Variants in CACNA1H observed in about 807,000 individuals in gnomAD.
CACNA1H encodes the protein calcium voltage-gated channel subunit alpha1 H.
A neutral mutation model predicts 192.5 loss-of-function variants in CACNA1H; 149 were observed. The observed-to-expected ratio is 0.77, with a 90% CI of 0.68 to 0.89. CACNA1H has a LOEUF of 0.89. CACNA1H is among the 40% of genes least tolerant of loss of function. CACNA1H has a pLI of 0.00. For synonymous variants in CACNA1H, 2,202 were observed against 1,475.2 expected, an observed-to-expected ratio of 1.49 and a Z score of -11.29; for missense variants, 4,257 against 3,423.5, an observed-to-expected ratio of 1.24 and a Z score of -6.08.
chr16:1,216,093 C>T (rs1004382680), intron 30 of CACNA1H, among the ~76,000 whole-genome samples: 10 of 152,180 alleles, frequency 6.6e-5, no homozygotes, highest in Admixed American at 5.9e-4. Flanking sequence ...ACCTATCCAA[C>T]CCCCGTGTGT....
rs765707245 is a variant in CACNA1H at position 1,180,388 on chromosome 16, C to T, written c.300-14584C>T. Among the ~76,000 whole-genome samples the T allele has an allele frequency of 6.6e-6, 1 of 152,180 alleles. No homozygotes were observed. The highest frequency in any genetic ancestry group is 1.5e-5 in the Non-Finnish European group (1 of 68,018). On this transcript the variant is annotated intron_variant, in intron 2 of 34. Transcript: ENST00000348261. This position sits in a 1 kb window ranked among gnomAD's most constrained non-coding sequence, Gnocchi z 4.4. Reference sequence around the variant, plus strand: ...CAGGGCAGGCTGGGTGAGGAGGGGGCACCCCAGGTGTCTGAACCCCAGGTC... The same window carrying T: ...CAGGGCAGGCTGGGTGAGGAGGGGGTACCCCAGGTGTCTGAACCCCAGGTC...
chr16:1,209,234 G>A lies in CACNA1H; in HGVS notation c.3566G>A (p.Arg1189His), dbSNP rs1233148543. 23 of 1,545,418 alleles carry A rather than the reference G, an allele frequency of 1.5e-5. No homozygotes were observed. Among genetic ancestry groups the A allele is most frequent in the African/African-American group, 4.1e-5 (3 of 72,564 alleles). Reference protein sequence around the residue: ...AEDGRAAPGPRATPLRRAESL... With the variant: ...AEDGRAAPGPHATPLRRAESL... The stretch of plus-strand genomic sequence containing the variant: ...GACGGCAGGGCCGCGCCCGGGCCCC[G>A]TGCCACCCCACTGCGGCGGGCCGAG... Residue 1189 changes from arginine to histidine, a missense_variant, in exon 17 of 35, where the codon CGT (arginine) becomes CAT (histidine). Physicochemically the swap from Arg to His is conservative, Grantham distance 29. Transcript: ENST00000348261.
intron 16 of CACNA1H, among the ~76,000 whole-genome samples, chr16:1,208,685 G>T (rs1447681949): frequency 6.6e-6 from 1 of 152,160 alleles, no homozygotes; most frequent in Non-Finnish European, 1.5e-5. Context: ...TGAGCCAGAC[G>T]CCCTAGCAGG....
chr16:1,212,597 C>G lies in CACNA1H; in HGVS notation c.4777+69C>G. ...CGCTGCTCGGGGAAGGGCGGGCATC[C>G]CAGGCCTGCTGGGGTCCTCCGCAGG... On this transcript the variant is annotated intron_variant, in intron 26 of 34. Transcript: ENST00000348261. 3 of 1,559,518 alleles carry G rather than the reference C, an allele frequency of 1.9e-6. No individual in the cohort carries two copies. The South Asian group carries it at 3.5e-5, about 18-fold the overall frequency.
At chr16:1,164,856 G>A (rs946165068) in intron 2 of CACNA1H, among the ~76,000 whole-genome samples, 2 of 152,222 alleles carry the variant, frequency 1.3e-5, no homozygotes, top group Admixed American at 6.5e-5. Context: ...TGGAGGAGGT[G>A]TGGGTGAGCC....
chr16:1,208,824 C>T (rs1278073544), intron 16 of CACNA1H, among the ~76,000 whole-genome samples: 7 of 152,180 alleles, frequency 4.6e-5, no homozygotes, highest in Admixed American at 2.6e-4. Flanking sequence ...CAGGGCATCA[C>T]CCCCGCGAGG....
intron 12 of CACNA1H, 69 bp downstream of exon 12, chr16:1,206,358 G>A (rs1968707488): frequency 1.4e-6 from 2 of 1,456,702 alleles, no homozygotes; most frequent in African/African-American, 1.4e-5. Flanking sequence ...AAAGGCCCAG[G>A]GCACCCCCCG....
In CACNA1H at chr16:1,220,860, C is replaced by T. The variant is rs778466215; in HGVS notation, c.6928C>T (p.Pro2310Ser). 9.9e-6 allele frequency: 16 copies of T among 1,612,632 alleles called. No homozygotes were observed. In the Middle Eastern group the frequency reaches 4.9e-4, roughly 50 times the overall value. ...IVPLEPPESE[P>S]PMPVGDPPEK... Reference sequence around the variant, plus strand: ...GCCCCTGGAACCCCCAGAATCAGAGCCTCCCATGCCCGTCGGTGACCCCCC... The same window carrying T: ...GCCCCTGGAACCCCCAGAATCAGAGTCTCCCATGCCCGTCGGTGACCCCCC... The change falls in exon 35 of 35, where the codon CCT (proline) becomes TCT (serine). Residue 2310 changes from proline to serine, a missense_variant. Pro to Ser is a moderately conservative substitution (Grantham distance 74). Coordinates refer to ENST00000348261, the MANE Select transcript of CACNA1H (RefSeq NM_021098.3).
At chr16:1,177,594 G>A (rs959109240) in intron 2 of CACNA1H, among the ~76,000 whole-genome samples, 25 of 152,128 alleles carry the variant, frequency 1.6e-4, no homozygotes, top group Admixed American at 1.3e-4. Flanking sequence ...CTTGGGAGGG[G>A]GCGTCCTAGT....
intron 15 of CACNA1H, 60 bp from the exon 16 acceptor site, chr16:1,207,953 G>T: frequency 1.3e-6 from 2 of 1,548,950 alleles, no homozygotes. Context: ...CTAGGTTGGG[G>T]GATTCCTGGT....
chr16:1,164,043 T>A (rs1484393058), intron 2 of CACNA1H, among the ~76,000 whole-genome samples: 1 of 152,096 alleles, frequency 6.6e-6, no homozygotes, highest in East Asian at 1.9e-4. Context: ...TGCTGGGGTG[T>A]GAGACTGCCT....
intron 2 of CACNA1H, among the ~76,000 whole-genome samples, chr16:1,159,279 G>C (rs779927762): frequency 1.3e-5 from 2 of 151,624 alleles, no homozygotes; most frequent in Non-Finnish European, 2.9e-5. Flanking sequence ...GGCCCGACAG[G>C]GGCAGAGTCC....
chr16:1,212,751 C>A (rs374685312), intron 26 of CACNA1H, among the ~76,000 whole-genome samples: 1 of 152,226 alleles, frequency 6.6e-6, no homozygotes, highest in Non-Finnish European at 1.5e-5. Context: ...CCTGCATCTC[C>A]GCCGTGCGCC....
intron 10 of CACNA1H, among the ~76,000 whole-genome samples, chr16:1,204,792 A>G (rs971152510): frequency 1.5e-5 from 2 of 136,018 alleles, no homozygotes; most frequent in Admixed American, 7.2e-5. Flanking sequence ...GTGGGGCCCC[A>G]GATCAGTGCC....
In CACNA1H at chr16:1,220,168, T is replaced by C; in HGVS notation, c.6236T>C (p.Val2079Ala). 2 of 1,521,272 alleles carry C rather than the reference T, an allele frequency of 1.3e-6. No homozygotes were observed. The highest frequency in any genetic ancestry group is 1.3e-5 in the South Asian group (1 of 77,028). 94.2% of individuals were successfully genotyped at this position (1,521,272 alleles called of 1,614,324 possible). A position where few individuals can be genotyped will look rare whatever the true frequency, so the allele number is the denominator to read the frequency against. Reference sequence around the variant, plus strand: ...AAGCATACCTTCGGACAGCGCTGCGTCTCCAGCCGGCCGGCGGCCCCAGGC... The same window carrying C: ...AAGCATACCTTCGGACAGCGCTGCGCCTCCAGCCGGCCGGCGGCCCCAGGC... ...TRKHTFGQRC[V>A]SSRPAAPGGE... is the part of the protein sequence containing the mutation. The change falls in exon 35 of 35, where the codon GTC becomes GCC. Residue 2079 changes from valine to alanine, a missense_variant. Transcript: ENST00000348261.
rs906210550 is a variant in CACNA1H, at chr16:1,180,453, G to A, written c.300-14519G>A. Among the ~76,000 whole-genome samples the A allele has an allele frequency of 1.3e-5, 2 of 152,156 alleles. No homozygotes were observed. The highest frequency in any genetic ancestry group is 4.8e-5 in the African/African-American group (2 of 41,432). ...GTCTGAAGGGAAATCCCCAGTGGTG[G>A]GACTGGAGGTGCCGTGGAGGGTGGG... On this transcript the variant is annotated intron_variant, in intron 2 of 34. Transcript: ENST00000348261. This position sits in a 1 kb window ranked among gnomAD's most constrained non-coding sequence, Gnocchi z 4.4.
chr16:1,211,822 C>T lies in CACNA1H; in HGVS notation c.4566+17C>T, dbSNP rs757246400. 1.2e-5 allele frequency: 19 copies of T among 1,611,388 alleles called. No homozygotes were observed. The highest frequency in any genetic ancestry group is 9.3e-5 in the African/African-American group (7 of 74,906). On this transcript the variant is annotated intron_variant, in intron 24 of 34. Transcript: ENST00000348261. The stretch of plus-strand genomic sequence containing the variant: ...GACCAGCAGGTGCGCACAGGCGGGT[C>T]GAGCTGGGTCACCTCAGGGTCTCCC...
intron 11 of CACNA1H, among the ~76,000 whole-genome samples, 184 bp from the exon 12 acceptor site, chr16:1,205,920 A>ATAAGCGGCTT (rs370349470): frequency 1.7e-4 from 26 of 152,328 alleles, no homozygotes; most frequent in African/African-American, 5.8e-4. Context: ...CCATCAGCGG[A>ATAAGCGGCTT]TAAGCGGCTT....
chr16:1,169,111 C>T (rs531089046), intron 2 of CACNA1H, among the ~76,000 whole-genome samples: 4 of 138,980 alleles, frequency 2.9e-5, no homozygotes, highest in East Asian at 4.6e-4. Context: ...GATACCAGAA[C>T]GCTGGGTGTG....
Sources: allele counts gnomAD v4.1 joint callset (sites outside exome capture counted in the v4.1 genomes callset), GRCh38; gene constraint gnomAD v4.1.1; non-coding constraint Gnocchi (gnomAD v3.1); transcripts MANE v1.5; gene names NCBI Gene and HGNC (gene_info 2026-07-23, HGNC 2026-07-21).